Variants in UNC5C observed in about 807,000 individuals in gnomAD.
UNC5C encodes unc-5 netrin receptor C.
A neutral mutation model predicts 99.8 loss-of-function variants in UNC5C; 47 were observed. The observed-to-expected ratio is 0.47, with a 90% confidence interval of 0.37 to 0.60. UNC5C has a LOEUF of 0.60. Among genes scored for constraint, UNC5C ranks in the 20% least tolerant of loss-of-function variants. UNC5C has a pLI of 0.00. For synonymous variants in UNC5C, 487 were observed against 452.2 expected (o/e 1.08, Z -0.98); for missense variants, 1,062 against 1,165.9 (o/e 0.91, Z 1.30).
At chr4:95,379,311 G>T (rs1006917928) in intron 1 of UNC5C, among the ~76,000 whole-genome samples, 4 of 152,128 alleles carry the variant, frequency 2.6e-5, no homozygotes, top group Non-Finnish European at 5.9e-5. Context: ...TGCATGCTGT[G>T]CACTATTGGA....
At chr4:95,271,320 T>C (rs907845634) in intron 4 of UNC5C, among the ~76,000 whole-genome samples, 5 of 152,002 alleles carry the variant, frequency 3.3e-5, no homozygotes, top group South Asian at 2.1e-4. Context: ...CTCCGCCTCC[T>C]GGGTTCACGC....
At chr4:95,408,990 G>A (rs768461598) in intron 1 of UNC5C, among the ~76,000 whole-genome samples, 5 of 152,140 alleles carry the variant, frequency 3.3e-5, no homozygotes, top group Non-Finnish European at 7.4e-5. Flanking sequence ...CCCATGATCC[G>A]AATTTACAAA....
chr4:95,346,913 T>G (rs1743792423), intron 1 of UNC5C, among the ~76,000 whole-genome samples: 1 of 151,782 alleles, frequency 6.6e-6, no homozygotes, highest in South Asian at 2.1e-4. Flanking sequence ...AAGTCCTAGC[T>G]AGAGCAATCA....
At chr4:95,216,265 G>C in intron 9 of UNC5C, 54 bp from the exon 10 acceptor site, 2 of 1,415,462 alleles carry the variant, frequency 1.4e-6, no homozygotes, top group Non-Finnish European at 2.0e-6. Flanking sequence ...CACGTAAAAG[G>C]GAATGAGGAG....
chr4:95,502,045 T>C (rs886205571), intron 1 of UNC5C, among the ~76,000 whole-genome samples: 1 of 152,168 alleles, frequency 6.6e-6, no homozygotes, highest in Non-Finnish European at 1.5e-5. Flanking sequence ...TCTAAAAGTA[T>C]GGCCCATTAG....
intron 1 of UNC5C, among the ~76,000 whole-genome samples, chr4:95,368,157 T>A (rs957795063): frequency 6.6e-6 from 1 of 152,162 alleles, no homozygotes; most frequent in African/African-American, 2.4e-5. Context: ...ATCTGTGATG[T>A]ATGAAATTAT....
chr4:95,320,097 T>C (rs548097371), intron 2 of UNC5C, among the ~76,000 whole-genome samples: 185 of 152,290 alleles, frequency 1.2e-3, no homozygotes, highest in African/African-American at 4.3e-3. Flanking sequence ...CTGTTTTGTA[T>C]GACAACCCCA....
In UNC5C at chr4:95,204,788, CT is replaced by C. The variant is rs150937629; in HGVS notation, c.1903-1825del. ...CATTTGCTGAAACAGTGAATGAACA[CT>C]TAGTTATACATTTAGTTCAGAGGGC... On this transcript the variant is annotated intron_variant, in intron 11 of 15. Transcript: ENST00000453304. Among the ~76,000 whole-genome samples, 117 of 152,254 alleles carry C rather than the reference CT, an allele frequency of 7.7e-4. 3 individuals carry two copies. The East Asian group carries it at 0.022, about 28-fold the overall frequency.
chr4:95,414,892 G>C (rs1202091955), intron 1 of UNC5C, among the ~76,000 whole-genome samples: 1 of 152,148 alleles, frequency 6.6e-6, no homozygotes, highest in Non-Finnish European at 1.5e-5. Context: ...ATGCTGAAAA[G>C]ATGAAGAAAA....
intron 12 of UNC5C, among the ~76,000 whole-genome samples, chr4:95,194,816 G>T (rs958724577): frequency 3.3e-5 from 5 of 152,138 alleles, no homozygotes; most frequent in African/African-American, 4.8e-5. Context: ...TTGGGTGGGG[G>T]CAGGGGTGTT....
chr4:95,241,581 C>A (rs993708205), intron 7 of UNC5C, among the ~76,000 whole-genome samples: 1 of 152,124 alleles, frequency 6.6e-6, no homozygotes, highest in African/African-American at 2.4e-5. Context: ...ACTAGACAAC[C>A]ATTAGTTCAG....
intron 9 of UNC5C, among the ~76,000 whole-genome samples, chr4:95,217,171 T>G (rs1174866242): frequency 6.6e-6 from 1 of 152,218 alleles, no homozygotes; most frequent in Non-Finnish European, 1.5e-5. Context: ...GAAAAGATAG[T>G]CTTCCTGTCT....
chr4:95,513,040 T>C (rs902552051), intron 1 of UNC5C, among the ~76,000 whole-genome samples: 3 of 152,142 alleles, frequency 2.0e-5, no homozygotes, highest in African/African-American at 7.2e-5. Context: ...GCAGTTAGCA[T>C]CACAACCTCC....
intron 1 of UNC5C, among the ~76,000 whole-genome samples, chr4:95,481,067 T>C (rs555069664): frequency 0.017 from 2,588 of 151,028 alleles, 57 homozygotes; most frequent in Middle Eastern, 0.017. Context: ...GGAAGTCAAA[T>C]TGTCCCTGTT....
At chr4:95,499,981 C>T (rs1394537688) in intron 1 of UNC5C, among the ~76,000 whole-genome samples, 3 of 146,406 alleles carry the variant, frequency 2.0e-5, no homozygotes, top group African/African-American at 7.7e-5. Context: ...TGAGGATAAT[C>T]CCTCCATCCT....
At chr4:95,292,234 CACATATATATAT>C (rs1279429485) in intron 3 of UNC5C, among the ~76,000 whole-genome samples, 1,190 of 74,022 alleles carry the variant, frequency 0.016, 17 homozygotes, top group African/African-American at 0.069. Context: ...CACACACACA[CACATATATATAT>C]ATATATATAT....
chr4:95,486,102 GCTTAT>G (rs972328462), intron 1 of UNC5C, among the ~76,000 whole-genome samples: 7 of 151,462 alleles, frequency 4.6e-5, no homozygotes, highest in African/African-American at 1.7e-4. Flanking sequence ...AAAAAACCAG[GCTTAT>G]CTTTTTAGTT....
chr4:95,343,327 G>T (rs988197247), intron 1 of UNC5C, among the ~76,000 whole-genome samples: 1 of 152,038 alleles, frequency 6.6e-6, no homozygotes, highest in African/African-American at 2.4e-5. Flanking sequence ...AGGAGACTCT[G>T]CTTGTTTGTT....
At chr4:95,302,272 C>T (rs112967988) in intron 2 of UNC5C, among the ~76,000 whole-genome samples, 10 of 152,276 alleles carry the variant, frequency 6.6e-5, no homozygotes, top group African/African-American at 2.2e-4. Flanking sequence ...CTTCTGGTAT[C>T]GTATCCGAAG....
Sources: allele counts gnomAD v4.1 joint callset (sites outside exome capture counted in the v4.1 genomes callset), GRCh38; gene constraint gnomAD v4.1.1; transcripts MANE v1.5; gene names NCBI Gene and HGNC (gene_info 2026-07-23, HGNC 2026-07-21).